Variants in MYT1L observed in about 807,000 individuals in gnomAD.
The protein encoded by MYT1L is myelin transcription factor 1 like.
In MYT1L, 12 loss-of-function variants were observed where a neutral mutation model predicts 126.7. The observed-to-expected ratio is 0.09, with a 90% CI of 0.06 to 0.15. The LOEUF is 0.15. Ranked by LOEUF, MYT1L falls within the 10% of genes least tolerant of loss-of-function variation. The pLI is 1.00. For missense variants in MYT1L, 979 were observed against 1,585.2 expected, an observed-to-expected ratio of 0.62 and a Z score of 6.49; for synonymous variants, 541 against 604.2, an observed-to-expected ratio of 0.90 and a Z score of 1.53.
intron 1 of MYT1L, among the ~76,000 whole-genome samples, chr2:2,287,032 G>A (rs1428601941): frequency 5.9e-5 from 9 of 152,110 alleles, no homozygotes; most frequent in African/African-American, 1.9e-4. Context: ...CAAGGCAGGC[G>A]GATCACCTGA....
In MYT1L at chr2:2,059,806, G is replaced by A. The variant is rs796512305; in HGVS notation, c.-303-5683C>T. ...TAAACGGATGACTGTCACTGAAAAT[G>A]TGGTGGGTTTCCTAGAAAGAGTTTT... On this transcript the variant is annotated intron_variant, in intron 3 of 24. Transcript: ENST00000647738. The surrounding 1 kb of genome is among the most constrained non-coding windows in gnomAD (Gnocchi z 4.7). Among the ~76,000 whole-genome samples the A allele has an allele frequency of 2.6e-5, 4 of 152,324 alleles. No individual in the cohort carries two copies. The highest frequency in any genetic ancestry group is 9.6e-5 in the African/African-American group (4 of 41,566).
chr2:2,301,808 C>T (rs1308028230), intron 1 of MYT1L, among the ~76,000 whole-genome samples: 1 of 118,296 alleles, frequency 8.5e-6, no homozygotes, highest in Non-Finnish European at 1.7e-5. Context: ...GCCTGAGCAA[C>T]AGAGACCCTG....
intron 4 of MYT1L, among the ~76,000 whole-genome samples, chr2:2,030,928 C>T (rs1230618224): frequency 6.6e-6 from 1 of 152,120 alleles, no homozygotes; most frequent in African/African-American, 2.4e-5. Context: ...TTAATAAAGT[C>T]CGTATTAAAT....
rs2036705863 is a variant in MYT1L, at chr2:1,811,786, C to T, written c.3081-2619G>A. The stretch of plus-strand genomic sequence containing the variant: ...GGAACAGGCTCCTCTTCAGTCCTCC[C>T]TGATGGGGCCTGGGCAACAACCTGG... On this transcript the variant is annotated intron_variant, in intron 21 of 24. Coordinates refer to ENST00000647738, the MANE Select transcript of MYT1L (RefSeq NM_001303052.2). This position sits in a 1 kb window ranked among gnomAD's most constrained non-coding sequence, Gnocchi z 4.4. 6.6e-6 allele frequency among the ~76,000 whole-genome samples: 1 copy of T among 152,114 alleles called. No individual in the cohort carries two copies. Among genetic ancestry groups the T allele is most frequent in the South Asian group, 2.1e-4 (1 of 4,820 alleles).
At position 1,914,159 on chromosome 2, in the gene MYT1L, C is replaced by T. The variant is rs2052472540; in HGVS notation, c.1619-2049G>A. 3.3e-5 allele frequency among the ~76,000 whole-genome samples: 5 copies of T among 152,192 alleles called. No individual in the cohort carries two copies. In the South Asian group the frequency reaches 1.0e-3, roughly 32 times the overall value. ...ATCCCAGCTACTCAGGAGGCTGAAG[C>T]AGGAGCATCACTTGATCCCACGGGG... On this transcript the variant is annotated intron_variant, in intron 11 of 24. Coordinates refer to ENST00000647738, the MANE Select transcript of MYT1L (RefSeq NM_001303052.2).
chr2:1,918,274 GATA>G (rs1445886299), intron 10 of MYT1L, among the ~76,000 whole-genome samples: 5 of 152,180 alleles, frequency 3.3e-5, no homozygotes, highest in East Asian at 1.9e-4. Flanking sequence ...AATAACTTCA[GATA>G]ATATTTCTAA....
At chr2:1,828,207 G>T (rs1033142278) in intron 21 of MYT1L, 1 of 152,106 alleles carries the variant, frequency 6.6e-6, no homozygotes. Context: ...GAGCATGCAG[G>T]CGTCCTGTTT....
intron 1 of MYT1L, among the ~76,000 whole-genome samples, chr2:2,306,840 T>C (rs772276312): frequency 2.6e-5 from 4 of 152,216 alleles, no homozygotes; most frequent in Non-Finnish European, 4.4e-5. Flanking sequence ...AAGAACAGTG[T>C]TTCATAGCCT....
intron 3 of MYT1L, among the ~76,000 whole-genome samples, chr2:2,107,547 C>T (rs1288762654): frequency 2.6e-5 from 4 of 152,080 alleles, no homozygotes; most frequent in Non-Finnish European, 5.9e-5. Flanking sequence ...GCCATTGATC[C>T]CGAAAGGTAG....
At chr2:2,015,931 G>A (rs948301926) in intron 4 of MYT1L, among the ~76,000 whole-genome samples, 38 of 152,184 alleles carry the variant, frequency 2.5e-4, no homozygotes, top group African/African-American at 8.7e-4. Context: ...CCCAGGTCAG[G>A]AGGCTCGCTG....
chr2:2,108,839 T>C (rs2079051247), intron 3 of MYT1L, among the ~76,000 whole-genome samples: 3 of 152,350 alleles, frequency 2.0e-5, no homozygotes, highest in South Asian at 4.1e-4. Flanking sequence ...CTCTATGCAA[T>C]ATATTTTCTA....
intron 9 of MYT1L, among the ~76,000 whole-genome samples, chr2:1,927,599 T>C (rs1281644233): frequency 6.6e-6 from 1 of 152,184 alleles, no homozygotes; most frequent in African/African-American, 2.4e-5. Context: ...GCTACTGTTC[T>C]TTCTGGTCAC....
chr2:2,128,723 A>G (rs1224891266), intron 3 of MYT1L, among the ~76,000 whole-genome samples: 2 of 152,262 alleles, frequency 1.3e-5, no homozygotes, highest in Non-Finnish European at 2.9e-5. Context: ...CCCATTTCAA[A>G]TAAAGAGTGT....
Position 1,956,619 on chromosome 2 carries a change from T to TAC in MYT1L, c.153-13286_153-13285insGT, listed in dbSNP as rs1553355915. ...ATCTATCTATCTATCTATCTATCTATCTACCTACCTACCTATCTAGCTATC... is the reference window on the plus strand; with the variant it reads ...ATCTATCTATCTATCTATCTATCTATACCTACCTACCTACCTATCTAGCTATC... On this transcript the variant is annotated intron_variant, in intron 8 of 24. Transcript: ENST00000647738. Among the ~76,000 whole-genome samples, 936 of 134,302 alleles carry TAC rather than the reference T, an allele frequency of 7.0e-3. 10 individuals carry two copies. The highest frequency in any genetic ancestry group is 0.016 in the Admixed American group (223 of 13,538). The allele number at this position is 134,302 out of a possible 152,430, so 88.1% of individuals were successfully genotyped here. A position where few individuals can be genotyped will look rare whatever the true frequency, so the allele number is the denominator to read the frequency against.
chr2:2,120,511 T>A (rs1032149119), intron 3 of MYT1L, among the ~76,000 whole-genome samples: 4 of 152,084 alleles, frequency 2.6e-5, no homozygotes, highest in African/African-American at 9.7e-5. Context: ...GTAAAGTCAG[T>A]ACAGGGCTTG....
chr2:1,839,407 GCCA>G, intron 20 of MYT1L, 37 bp from the exon 21 acceptor site: 2 of 1,565,248 alleles, frequency 1.3e-6, no homozygotes, highest in Non-Finnish European at 1.7e-6. Context: ...TTATTGTCTG[GCCA>G]CCGTCGCCTG....
intron 1 of MYT1L, chr2:2,326,560 C>CAA (rs1163929075): frequency 6.6e-6 from 1 of 151,574 alleles, no homozygotes; most frequent in African/African-American, 2.4e-5. Context: ...TAAAATATTC[C>CAA]CCCCCGCCAA....
At chr2:1,877,534 G>A (rs140251924) in intron 18 of MYT1L, among the ~76,000 whole-genome samples, 245 of 152,246 alleles carry the variant, frequency 1.6e-3, no homozygotes, top group African/African-American at 5.5e-3. Context: ...CCAGAAGCAG[G>A]TGCTTTTATA....
At chr2:2,169,817 C>T (rs2089747666) in intron 3 of MYT1L, among the ~76,000 whole-genome samples, 1 of 152,124 alleles carries the variant, frequency 6.6e-6, no homozygotes, top group Non-Finnish European at 1.5e-5. Context: ...TTTCTTTTGG[C>T]TTATGCGCGG....
Sources: allele counts gnomAD v4.1 joint callset (sites outside exome capture counted in the v4.1 genomes callset), GRCh38; gene constraint gnomAD v4.1.1; non-coding constraint Gnocchi (gnomAD v3.1); transcripts MANE v1.5; gene names NCBI Gene and HGNC (gene_info 2026-07-23, HGNC 2026-07-21).